The following PIP4K2A variants were observed in gnomAD, a reference collection of about 807,000 sequenced individuals.
The protein encoded by PIP4K2A is phosphatidylinositol 5-phosphate 4-kinase type-2 alpha.
Under a neutral mutation model 42.9 loss-of-function variants are expected in PIP4K2A, and 14 were observed. The ratio of observed to expected loss-of-function variants is 0.33; its 90% CI spans 0.22 to 0.51. The LOEUF (loss-of-function observed/expected upper bound fraction) is 0.51. PIP4K2A is among the 20% of genes least tolerant of loss of function. The pLI is 0.97. For synonymous variants in PIP4K2A, 192 were observed against 192.2 expected, an observed-to-expected ratio of 1.00 and a Z score of 0.01; for missense variants, 434 against 519.8, an observed-to-expected ratio of 0.83 and a Z score of 1.61.
intron 1 of PIP4K2A, among the ~76,000 whole-genome samples, chr10:22,684,266 C>T (rs923727133): frequency 1.3e-5 from 2 of 152,094 alleles, no homozygotes; most frequent in Admixed American, 1.3e-4. Context: ...CTGATTGGGT[C>T]GTTTTAATTA....
rs1052208550 is a variant in PIP4K2A, at chr10:22,535,739, G to A, written c.*1462C>T. ...TCAATGCCTTTTGGAAAATGCAGGA[G>A]AGTTGGTAGATACATGATCTAGGTT... On this transcript the variant is annotated 3_prime_UTR_variant, in exon 10 of 10. Transcript: ENST00000376573. 1 of 188,658 alleles carries A rather than the reference G, an allele frequency of 5.3e-6. No homozygotes were observed. Among genetic ancestry groups the A allele is most frequent in the African/African-American group, 2.3e-5 (1 of 43,264 alleles). 11.7% of individuals were successfully genotyped at this position (188,658 alleles called of 1,614,324 possible). A position where few individuals can be genotyped will look rare whatever the true frequency, so the allele number is the denominator to read the frequency against.
chr10:22,670,328 G>A (rs1188935194), intron 1 of PIP4K2A, among the ~76,000 whole-genome samples: 4 of 152,088 alleles, frequency 2.6e-5, no homozygotes, highest in South Asian at 4.1e-4. Flanking sequence ...GCAGTGAGCC[G>A]TTATGGCACC....
At chr10:22,633,527 C>A (rs561854681) in intron 1 of PIP4K2A, among the ~76,000 whole-genome samples, 1 of 152,218 alleles carries the variant, frequency 6.6e-6, no homozygotes, top group South Asian at 2.1e-4. Flanking sequence ...TTATCTTCAT[C>A]ATTCAGGATA....
chr10:22,558,402 G>A (rs1184677261), intron 6 of PIP4K2A, among the ~76,000 whole-genome samples: 1 of 152,192 alleles, frequency 6.6e-6, no homozygotes, highest in Non-Finnish European at 1.5e-5. Flanking sequence ...AAAATAATTT[G>A]ATGGAGTAAC....
At chr10:22,589,594 T>C (rs1314844360) in intron 4 of PIP4K2A, among the ~76,000 whole-genome samples, 5 of 152,202 alleles carry the variant, frequency 3.3e-5, no homozygotes, top group Non-Finnish European at 5.9e-5. Flanking sequence ...CAAAATGCAA[T>C]TGATCATATT....
chr10:22,540,140 G>T, intron 8 of PIP4K2A, 66 bp from the exon 9 acceptor site: 1 of 749,072 alleles, frequency 1.3e-6, no homozygotes, highest in Non-Finnish European at 2.4e-6. Context: ...TTGCTGCTGA[G>T]GGAGGGAGGG....
chr10:22,603,561 G>A (rs1837842447), intron 3 of PIP4K2A, among the ~76,000 whole-genome samples: 1 of 152,142 alleles, frequency 6.6e-6, no homozygotes, highest in South Asian at 2.1e-4. Flanking sequence ...TGTAAATCTC[G>A]TTAGCATCTA....
chr10:22,564,478 G>C (rs183120321), intron 6 of PIP4K2A, among the ~76,000 whole-genome samples: 1 of 152,210 alleles, frequency 6.6e-6, no homozygotes, highest in Non-Finnish European at 1.5e-5. Context: ...CTGGCCTGTC[G>C]TACGATGCTG....
At chr10:22,681,602 G>T (rs994095288) in intron 1 of PIP4K2A, among the ~76,000 whole-genome samples, 1 of 152,106 alleles carries the variant, frequency 6.6e-6, no homozygotes. Context: ...TTGAGCCTGG[G>T]GGGTAGAGGC....
At chr10:22,550,291 A>T (rs979021096) in intron 7 of PIP4K2A, among the ~76,000 whole-genome samples, 1 of 152,210 alleles carries the variant, frequency 6.6e-6, no homozygotes, top group Non-Finnish European at 1.5e-5. Context: ...TGTTTTTGAG[A>T]TGCTCTGCTG....
At chr10:22,593,989 G>A (rs2130825288) in intron 3 of PIP4K2A, among the ~76,000 whole-genome samples, 2 of 152,302 alleles carry the variant, frequency 1.3e-5, no homozygotes, top group Middle Eastern at 6.8e-3. Flanking sequence ...CCAATAGGGT[G>A]AATCAAAAGC....
At chr10:22,613,048 C>T (rs12358560) in intron 1 of PIP4K2A, among the ~76,000 whole-genome samples, 27,706 of 151,988 alleles carry the variant, frequency 0.18, 3,243 homozygotes, top group Non-Finnish European at 0.26. Context: ...AAACTGCCAT[C>T]GAGGCAGGAA....
At chr10:22,637,195 C>T (rs772250218) in intron 1 of PIP4K2A, among the ~76,000 whole-genome samples, 2 of 152,272 alleles carry the variant, frequency 1.3e-5, no homozygotes, top group East Asian at 3.9e-4. Flanking sequence ...GTGAAAATGG[C>T]CCCATGATTT....
intron 1 of PIP4K2A, among the ~76,000 whole-genome samples, chr10:22,622,228 T>C (rs574449353): frequency 1.3e-5 from 2 of 152,352 alleles, no homozygotes; most frequent in African/African-American, 4.8e-5. Context: ...CTGCTACCTC[T>C]GTGCCGGTGG....
intron 1 of PIP4K2A, among the ~76,000 whole-genome samples, chr10:22,693,560 G>A (rs991400928): frequency 8.5e-5 from 13 of 152,144 alleles, no homozygotes; most frequent in Non-Finnish European, 1.5e-4. Context: ...TTTCAAGGCC[G>A]TATGTTTAAG....
chr10:22,570,041 G>T (rs139818140), intron 5 of PIP4K2A, among the ~76,000 whole-genome samples: 231 of 152,050 alleles, frequency 1.5e-3, no homozygotes, highest in African/African-American at 5.1e-3. Flanking sequence ...TTTACCAGAT[G>T]CCTACTTGTC....
At position 22,607,910 on chromosome 10, in the gene PIP4K2A, T is replaced by C; in HGVS notation, c.339+17A>G. On this transcript the variant is annotated intron_variant, in intron 3 of 9. Transcript: ENST00000376573. Reference sequence around the variant, plus strand: ...ACCCATTTCCTACTGGAAGCAAATGTTACAAACGCAACTCACCTGGAAATC... The same window carrying C: ...ACCCATTTCCTACTGGAAGCAAATGCTACAAACGCAACTCACCTGGAAATC... The C allele has an allele frequency of 6.4e-7, 1 of 1,565,854 alleles. No homozygotes were observed. Among genetic ancestry groups the C allele is most frequent in the Non-Finnish European group, 8.8e-7 (1 of 1,136,530 alleles).
intron 6 of PIP4K2A, among the ~76,000 whole-genome samples, chr10:22,554,924 G>C (rs1019701790): frequency 1.3e-5 from 2 of 152,202 alleles, no homozygotes; most frequent in Non-Finnish European, 2.9e-5. Flanking sequence ...CCAACGCAGA[G>C]CCAGGCTAGC....
At chr10:22,565,478 A>G (rs539037628) in intron 6 of PIP4K2A, among the ~76,000 whole-genome samples, 1 of 152,194 alleles carries the variant, frequency 6.6e-6, no homozygotes, top group Non-Finnish European at 1.5e-5. Flanking sequence ...CACTTCCCCA[A>G]TCAATACCCT....
Sources: allele counts gnomAD v4.1 joint callset (sites outside exome capture counted in the v4.1 genomes callset), GRCh38; gene constraint gnomAD v4.1.1; transcripts MANE v1.5; gene names NCBI Gene and HGNC (gene_info 2026-07-23, HGNC 2026-07-21).